The following FHIT variants were observed in gnomAD, a reference collection of about 807,000 sequenced individuals.
FHIT encodes the protein fragile histidine triad diadenosine triphosphatase.
FHIT carries 19 observed loss-of-function variants against 17.9 expected under a neutral mutation model. The ratio of observed to expected loss-of-function variants is 1.06; its 90% CI spans 0.74 to 1.56. The LOEUF (loss-of-function observed/expected upper bound fraction) is 1.56. Among genes scored for constraint, FHIT ranks in the 40% most tolerant of loss-of-function variants. FHIT has a pLI of 0.00. For missense variants in FHIT, 248 were observed against 189.2 expected, an observed-to-expected ratio of 1.31 and a Z score of -1.82; for synonymous variants, 81 against 69.7, an observed-to-expected ratio of 1.16 and a Z score of -0.81.
chr3:60,281,439 A>G (rs924448461), intron 5 of FHIT, among the ~76,000 whole-genome samples: 2 of 152,222 alleles, frequency 1.3e-5, no homozygotes, highest in African/African-American at 4.8e-5. Context: ...GACTTGCTAC[A>G]AAGCTACAGC....
intron 2 of FHIT, among the ~76,000 whole-genome samples, chr3:61,096,934 A>G (rs1374377116): frequency 6.6e-6 from 1 of 152,126 alleles, no homozygotes; most frequent in African/African-American, 2.4e-5. Flanking sequence ...AACATGGTGA[A>G]ACCCCGTCTC....
At chr3:60,990,485 T>A (rs1190933621) in intron 3 of FHIT, among the ~76,000 whole-genome samples, 1 of 152,250 alleles carries the variant, frequency 6.6e-6, no homozygotes, top group African/African-American at 2.4e-5. Flanking sequence ...ACATTTCTTA[T>A]TTTTAAACTC....
intron 8 of FHIT, among the ~76,000 whole-genome samples, chr3:59,865,413 A>G (rs774192610): frequency 6.6e-6 from 1 of 152,248 alleles, no homozygotes; most frequent in African/African-American, 2.4e-5. Flanking sequence ...TTTTAACGTA[A>G]GCCTTGTCAG....
At chr3:60,549,224 A>G (rs1409250854) in intron 4 of FHIT, among the ~76,000 whole-genome samples, 1 of 152,176 alleles carries the variant, frequency 6.6e-6, no homozygotes, top group African/African-American at 2.4e-5. Context: ...TACAAATAAA[A>G]TCATGTATTT....
chr3:59,853,833 T>C (rs1435858659), intron 8 of FHIT, among the ~76,000 whole-genome samples: 1 of 152,052 alleles, frequency 6.6e-6, no homozygotes, highest in Non-Finnish European at 1.5e-5. Context: ...CAAAATAAAA[T>C]TATACTTATT....
At chr3:60,163,116 CATT>C (rs1417848521) in intron 5 of FHIT, among the ~76,000 whole-genome samples, 10 of 140,472 alleles carry the variant, frequency 7.1e-5, no homozygotes, top group Non-Finnish European at 1.5e-4. Flanking sequence ...ATTGTGCACA[CATT>C]ATCTCTTTCA....
At chr3:60,859,952 G>C (rs1237960547) in intron 3 of FHIT, among the ~76,000 whole-genome samples, 1 of 150,188 alleles carries the variant, frequency 6.7e-6, no homozygotes, top group African/African-American at 2.4e-5. Flanking sequence ...ACTGAGGTAG[G>C]AGAATTGCTT....
intron 5 of FHIT, among the ~76,000 whole-genome samples, chr3:60,424,528 A>T (rs926470800): frequency 6.6e-6 from 1 of 152,134 alleles, no homozygotes; most frequent in African/African-American, 2.4e-5. Flanking sequence ...TTTGGTTTCC[A>T]ATCAGTCACA....
chr3:60,871,948 C>A (rs1704435373), intron 3 of FHIT, among the ~76,000 whole-genome samples: 1 of 152,016 alleles, frequency 6.6e-6, no homozygotes, highest in South Asian at 2.1e-4. Context: ...CAAGTGTGAG[C>A]CACTGTGCCC....
At chr3:60,296,850 T>C (rs1708233999) in intron 5 of FHIT, among the ~76,000 whole-genome samples, 1 of 151,626 alleles carries the variant, frequency 6.6e-6, no homozygotes, top group East Asian at 1.9e-4. Context: ...TATAGGTTAA[T>C]TTTTTTTCCT....
chr3:60,219,775 T>G (rs779091465), intron 5 of FHIT, among the ~76,000 whole-genome samples: 64 of 152,142 alleles, frequency 4.2e-4, no homozygotes, highest in Non-Finnish European at 7.5e-4. Flanking sequence ...GTAAAAGCTT[T>G]AGGGCTTCTT....
chr3:60,506,116 C>G (rs761758308), intron 5 of FHIT, among the ~76,000 whole-genome samples: 1 of 152,186 alleles, frequency 6.6e-6, no homozygotes, highest in African/African-American at 2.4e-5. Context: ...AGTCTTTTCC[C>G]ATGATTTCTC....
chr3:61,063,152 A>T (rs570874076), intron 2 of FHIT, among the ~76,000 whole-genome samples: 1 of 151,434 alleles, frequency 6.6e-6, no homozygotes, highest in Admixed American at 6.6e-5. Context: ...GCTACTCGGG[A>T]GGCTGAGGCA....
intron 8 of FHIT, among the ~76,000 whole-genome samples, chr3:59,860,740 A>G (rs1303694154): frequency 6.6e-6 from 1 of 152,210 alleles, no homozygotes; most frequent in African/African-American, 2.4e-5. Flanking sequence ...AGAACAGAAT[A>G]AAAAGGAGCC....
intron 4 of FHIT, among the ~76,000 whole-genome samples, chr3:60,599,612 G>C (rs1198217285): frequency 1.3e-5 from 2 of 150,988 alleles, no homozygotes; most frequent in Non-Finnish European, 2.9e-5. Flanking sequence ...ATTGACTTCT[G>C]CATGTTGGTA....
intron 5 of FHIT, among the ~76,000 whole-genome samples, chr3:60,390,418 A>C (rs900786639): frequency 0.011 from 1,424 of 130,826 alleles, 88 homozygotes; most frequent in Middle Eastern, 0.023. Context: ...AAAAAAAAAA[A>C]AAAAAAAAAA....
intron 5 of FHIT, among the ~76,000 whole-genome samples, chr3:60,100,737 T>A (rs1004171064): frequency 6.6e-6 from 1 of 152,162 alleles, no homozygotes; most frequent in African/African-American, 2.4e-5. Flanking sequence ...GGTTAAATCA[T>A]GACTTCTTTT....
At chr3:60,452,154 G>A (rs968634138) in intron 5 of FHIT, among the ~76,000 whole-genome samples, 6 of 152,042 alleles carry the variant, frequency 3.9e-5, no homozygotes, top group Admixed American at 3.3e-4. Flanking sequence ...CTTCATTTCA[G>A]GCCCTGCATA....
intron 2 of FHIT, among the ~76,000 whole-genome samples, chr3:61,136,500 GTT>G (rs1301618253): frequency 1.3e-5 from 2 of 152,198 alleles, no homozygotes; most frequent in African/African-American, 4.8e-5. Context: ...ATGTGGCTAT[GTT>G]TTAGTCACAG....
Sources: allele counts gnomAD v4.1 joint callset (sites outside exome capture counted in the v4.1 genomes callset), GRCh38; gene constraint gnomAD v4.1.1; transcripts MANE v1.5; gene names NCBI Gene and HGNC (gene_info 2026-07-23, HGNC 2026-07-21).